Variants in RALGPS2 observed in about 807,000 individuals in gnomAD.
RALGPS2 encodes the protein Ral GEF with PH domain and SH3 binding motif 2.
In RALGPS2, 43 loss-of-function variants were observed where a neutral mutation model predicts 86.8. The observed-to-expected ratio is 0.50, with a 90% confidence interval of 0.39 to 0.64. RALGPS2 has a LOEUF of 0.64. Ranked by LOEUF, RALGPS2 falls within the 30% of genes least tolerant of loss-of-function variation. The probability of loss-of-function intolerance (pLI) is 0.00; values close to 1 mark genes in which losing one functional copy is unlikely to be tolerated. For missense variants in RALGPS2, 536 were observed against 694.6 expected, an observed-to-expected ratio of 0.77 and a Z score of 2.57; for synonymous variants, 243 against 231.3, an observed-to-expected ratio of 1.05 and a Z score of -0.46.
At chr1:178,870,707 CATA>C (rs1414724022) in intron 8 of RALGPS2, 2 of 152,110 alleles carry the variant, frequency 1.3e-5, no homozygotes, top group African/African-American at 4.8e-5. Flanking sequence ...ATTTGCTATA[CATA>C]ATATTTTTAA....
intron 8 of RALGPS2, among the ~76,000 whole-genome samples, chr1:178,838,716 G>A (rs567516977): frequency 7.2e-5 from 11 of 152,278 alleles, no homozygotes; most frequent in Admixed American, 1.3e-4. Flanking sequence ...AGACTTCTCC[G>A]AGCTAAAGGA....
chr1:178,838,401 T>A (rs1376772456), intron 8 of RALGPS2, among the ~76,000 whole-genome samples: 1 of 152,146 alleles, frequency 6.6e-6, no homozygotes, highest in Non-Finnish European at 1.5e-5. Context: ...GCTGCTGATA[T>A]CCCCACAAAC....
intron 8 of RALGPS2, chr1:178,864,898 A>G: frequency 1.7e-6 from 2 of 1,173,992 alleles, no homozygotes; most frequent in South Asian, 2.8e-5. Flanking sequence ...ATTGTTTCAT[A>G]AGGCATAAAA....
intron 1 of RALGPS2, among the ~76,000 whole-genome samples, chr1:178,742,842 AAAT>A (rs1490225497): frequency 6.6e-6 from 1 of 152,242 alleles, no homozygotes; most frequent in Non-Finnish European, 1.5e-5. Flanking sequence ...ACACAATTTT[AAAT>A]AATTTATGGT....
intron 1 of RALGPS2, among the ~76,000 whole-genome samples, chr1:178,769,396 T>G (rs968370895): frequency 1.3e-5 from 2 of 151,252 alleles, no homozygotes; most frequent in African/African-American, 4.9e-5. Context: ...TGCACCATAA[T>G]CTATGCATAG....
At chr1:178,878,128 A>T (rs1173996880) in intron 9 of RALGPS2, among the ~76,000 whole-genome samples, 1 of 152,162 alleles carries the variant, frequency 6.6e-6, no homozygotes, top group Non-Finnish European at 1.5e-5. Context: ...TTCTTGAGTC[A>T]GACTATCGAG....
intron 8 of RALGPS2, among the ~76,000 whole-genome samples, chr1:178,867,008 C>T (rs1658456819): frequency 3.9e-5 from 6 of 152,108 alleles, no homozygotes; most frequent in Admixed American, 3.9e-4. Context: ...CACCTTTTCA[C>T]TCTTGCGAAC....
intron 1 of RALGPS2, among the ~76,000 whole-genome samples, chr1:178,751,151 C>T (rs961037650): frequency 2.6e-5 from 4 of 152,166 alleles, no homozygotes. Context: ...GTCCCTCCCC[C>T]CCAAACCCTT....
At chr1:178,881,905 A>G (rs1052929299) in intron 10 of RALGPS2, among the ~76,000 whole-genome samples, 5 of 152,192 alleles carry the variant, frequency 3.3e-5, no homozygotes, top group African/African-American at 1.2e-4. Context: ...AAAAATTTGT[A>G]AATAGAAATG....
intron 1 of RALGPS2, among the ~76,000 whole-genome samples, chr1:178,773,858 T>C (rs982383920): frequency 6.6e-6 from 1 of 152,224 alleles, no homozygotes; most frequent in Non-Finnish European, 1.5e-5. Context: ...TTTATATTCT[T>C]TAAGGTATGC....
At chr1:178,768,842 T>C (rs1652642933) in intron 1 of RALGPS2, among the ~76,000 whole-genome samples, 1 of 152,222 alleles carries the variant, frequency 6.6e-6, no homozygotes, top group Non-Finnish European at 1.5e-5. Context: ...CCAAGTTCTC[T>C]ACACATAGAT....
At chr1:178,731,806 G>A (rs1474804909) in intron 1 of RALGPS2, among the ~76,000 whole-genome samples, 7 of 152,092 alleles carry the variant, frequency 4.6e-5, no homozygotes, top group Admixed American at 3.9e-4. Flanking sequence ...ATATGATCTA[G>A]TTTAGAGGTC....
intron 8 of RALGPS2, chr1:178,865,586 A>C (rs749275481): frequency 6.2e-7 from 1 of 1,614,054 alleles, no homozygotes; most frequent in Non-Finnish European, 8.5e-7. Context: ...GTTGACACAG[A>C]TTGGCCCTGT....
intron 1 of RALGPS2, among the ~76,000 whole-genome samples, chr1:178,758,536 C>T (rs979098693): frequency 6.6e-6 from 1 of 152,040 alleles, no homozygotes; most frequent in East Asian, 1.9e-4. Flanking sequence ...CTTCCTACCC[C>T]CCCTGCCCTC....
At chr1:178,782,997 G>A (rs1174284768) in intron 2 of RALGPS2, among the ~76,000 whole-genome samples, 1 of 152,072 alleles carries the variant, frequency 6.6e-6, no homozygotes, top group Non-Finnish European at 1.5e-5. Flanking sequence ...ACAATTTGAA[G>A]AGATACATCA....
chr1:178,822,833 GA>G (rs898039136), intron 7 of RALGPS2, among the ~76,000 whole-genome samples: 40 of 151,122 alleles, frequency 2.6e-4, no homozygotes, highest in Admixed American at 4.6e-4. Flanking sequence ...TATACGCTGT[GA>G]AAAAAAAATT....
chr1:178,790,880 T>G (rs1558121341), intron 4 of RALGPS2, among the ~76,000 whole-genome samples: 1 of 152,316 alleles, frequency 6.6e-6, no homozygotes, highest in East Asian at 1.9e-4. Flanking sequence ...ATGATGTCTC[T>G]TTATATAGTA....
At chr1:178,763,988 C>T (rs1652376325) in intron 1 of RALGPS2, among the ~76,000 whole-genome samples, 1 of 151,790 alleles carries the variant, frequency 6.6e-6, no homozygotes, top group Non-Finnish European at 1.5e-5. Context: ...GTGGAGTGTT[C>T]TGTAAATGTC....
At chr1:178,725,474 T>A (rs1649916431) in intron 1 of RALGPS2, 55 bp downstream of exon 1, 1 of 129,104 alleles carries the variant, frequency 7.7e-6, no homozygotes, top group Non-Finnish European at 1.7e-5. Context: ...GGAGGGTGGG[T>A]ACGCGGCGCC....
Sources: allele counts gnomAD v4.1 joint callset (sites outside exome capture counted in the v4.1 genomes callset), GRCh38; gene constraint gnomAD v4.1.1; transcripts MANE v1.5; gene names NCBI Gene and HGNC (gene_info 2026-07-23, HGNC 2026-07-21).